CTNNA3: variants seen among roughly 807,000 people sequenced by gnomAD.
CTNNA3 encodes catenin alpha-3.
In CTNNA3, 76 loss-of-function variants were observed where a neutral mutation model predicts 95.7. That is an observed-to-expected ratio of 0.79 (90% confidence interval 0.66 to 0.96). The LOEUF is 0.96. CTNNA3 is among the 40% of genes least tolerant of loss of function. The pLI is 0.00. For missense variants in CTNNA3, 1,191 were observed against 1,089.8 expected (o/e 1.09, Z -1.31); for synonymous variants, 431 against 374.4 (o/e 1.15, Z -1.74).
At chr10:66,621,833 A>G in intron 9 of CTNNA3, 49 bp from the exon 10 acceptor site, 1 of 1,130,216 alleles carries the variant, frequency 8.8e-7, no homozygotes, top group Non-Finnish European at 1.3e-6. Context: ...TAGCAAGGAA[A>G]TGCAGCAACA....
chr10:66,671,595 T>C (rs920887282), intron 9 of CTNNA3, among the ~76,000 whole-genome samples: 3 of 152,196 alleles, frequency 2.0e-5, no homozygotes, highest in Non-Finnish European at 4.4e-5. Flanking sequence ...TAAATAGTTA[T>C]AATAATTGTA....
chr10:66,211,296 A>G (rs10822750), intron 13 of CTNNA3, among the ~76,000 whole-genome samples: 37,444 of 152,104 alleles, frequency 0.25, 5,374 homozygotes, highest in Admixed American at 0.39. Flanking sequence ...ACATATGAGT[A>G]ATGTTACACT....
At chr10:67,569,300 A>G (rs150318921) in intron 3 of CTNNA3, among the ~76,000 whole-genome samples, 10 of 152,296 alleles carry the variant, frequency 6.6e-5, no homozygotes, top group East Asian at 3.9e-4. Context: ...ATATGTGTGC[A>G]TAGCCATTCC....
intron 6 of CTNNA3, among the ~76,000 whole-genome samples, chr10:67,183,310 C>T (rs1205540326): frequency 6.6e-6 from 1 of 152,140 alleles, no homozygotes; most frequent in Non-Finnish European, 1.5e-5. Flanking sequence ...CAATTGTAGA[C>T]TGGATTAAGA....
intron 3 of CTNNA3, among the ~76,000 whole-genome samples, chr10:67,598,302 G>T (rs1842984332): frequency 6.6e-6 from 1 of 152,064 alleles, no homozygotes; most frequent in South Asian, 2.1e-4. Flanking sequence ...GGGGTCTCCT[G>T]CACCTAGGAT....
At chr10:66,158,783 A>T (rs905780064) in intron 13 of CTNNA3, among the ~76,000 whole-genome samples, 2 of 152,032 alleles carry the variant, frequency 1.3e-5, no homozygotes, top group African/African-American at 4.8e-5. Context: ...TCATGAGCAT[A>T]GGACATGTTT....
intron 13 of CTNNA3, among the ~76,000 whole-genome samples, chr10:66,255,551 C>A (rs1395119200): frequency 1.3e-5 from 2 of 152,096 alleles, no homozygotes. Context: ...CTTAGATGAT[C>A]CTTCCATTTG....
At chr10:67,184,388 AG>A in intron 6 of CTNNA3, among the ~76,000 whole-genome samples, 1 of 152,286 alleles carries the variant, frequency 6.6e-6, no homozygotes, top group South Asian at 2.1e-4. Flanking sequence ...GAGATGCTTC[AG>A]GATCTTGATA....
chr10:66,256,286 T>C (rs1179083489), intron 13 of CTNNA3, among the ~76,000 whole-genome samples: 2 of 152,218 alleles, frequency 1.3e-5, no homozygotes, highest in Non-Finnish European at 2.9e-5. Flanking sequence ...CAATCCATTC[T>C]GGCTGTACAC....
chr10:66,547,829 C>T (rs961045659), intron 10 of CTNNA3, among the ~76,000 whole-genome samples: 1 of 151,852 alleles, frequency 6.6e-6, no homozygotes, highest in African/African-American at 2.4e-5. Flanking sequence ...AGATTTCGGT[C>T]TTCACACATG....
chr10:67,550,683 AAAGAAATTTC>A (rs904351357), intron 3 of CTNNA3, among the ~76,000 whole-genome samples: 2 of 145,422 alleles, frequency 1.4e-5, no homozygotes, highest in African/African-American at 5.5e-5. Context: ...ACCGTAGAAT[AAAGAAATTTC>A]TTTATTCATA....
At chr10:67,585,309 G>A (rs1189121085) in intron 3 of CTNNA3, among the ~76,000 whole-genome samples, 1 of 152,108 alleles carries the variant, frequency 6.6e-6, no homozygotes, top group African/African-American at 2.4e-5. Context: ...TCTTTTATAT[G>A]TGTCACCTCT....
chr10:66,108,972 A>T (rs2082014229), intron 13 of CTNNA3, among the ~76,000 whole-genome samples: 1 of 152,222 alleles, frequency 6.6e-6, no homozygotes, highest in Non-Finnish European at 1.5e-5. Context: ...TTTTGTGTAG[A>T]GAAAGGTTTT....
chr10:66,694,732 A>G (rs913109849), intron 9 of CTNNA3, among the ~76,000 whole-genome samples: 1 of 152,184 alleles, frequency 6.6e-6, no homozygotes, highest in South Asian at 2.1e-4. Flanking sequence ...ATAGCATACC[A>G]TAATCTACAT....
intron 11 of CTNNA3, among the ~76,000 whole-genome samples, chr10:66,483,646 T>C (rs748869119): frequency 3.2e-4 from 48 of 152,174 alleles, no homozygotes; most frequent in Non-Finnish European, 1.6e-4. Context: ...AGATGTAATG[T>C]ACATGATATT....
At chr10:66,840,015 A>T (rs1842995884) in intron 7 of CTNNA3, among the ~76,000 whole-genome samples, 1 of 152,114 alleles carries the variant, frequency 6.6e-6, no homozygotes, top group Non-Finnish European at 1.5e-5. Flanking sequence ...CCCTCAAGTT[A>T]TCTGAATTTG....
chr10:66,608,036 A>G (rs556982077), intron 10 of CTNNA3, among the ~76,000 whole-genome samples: 1 of 152,256 alleles, frequency 6.6e-6, no homozygotes, highest in East Asian at 1.9e-4. Context: ...ACATGATCCT[A>G]TATCTAGAAA....
rs755934798 is a variant in CTNNA3 at position 67,521,850 on chromosome 10, G to A, written c.571C>T (p.Arg191Cys). The change falls in exon 5 of 18, where the codon CGT becomes TGT. Residue 191 changes from arginine (R) to cysteine (C), a missense_variant. Coordinates refer to ENST00000433211, the MANE Select transcript of CTNNA3 (RefSeq NM_013266.4). ...AGAGCTCTGACTCCTACCTGCTGAC[G>A]TTTGAAGGCTAAATAATCCAAATTT... is the stretch of plus-strand genomic sequence containing the variant. ...LENLDYLAFKRQQDLKSPNQR... is the reference protein window; with the variant it reads ...LENLDYLAFKCQQDLKSPNQR... 18 of 1,613,318 alleles carry A rather than the reference G, an allele frequency of 1.1e-5. No homozygotes were observed. The highest frequency in any genetic ancestry group is 4.0e-5 in the African/African-American group (3 of 74,912).
At chr10:67,208,326 C>A (rs1402310051) in intron 6 of CTNNA3, among the ~76,000 whole-genome samples, 2 of 148,400 alleles carry the variant, frequency 1.3e-5, no homozygotes, top group Non-Finnish European at 3.0e-5. Context: ...TTGCAGTGAG[C>A]CGAGATCGTG....
Sources: allele counts gnomAD v4.1 joint callset (sites outside exome capture counted in the v4.1 genomes callset), GRCh38; gene constraint gnomAD v4.1.1; transcripts MANE v1.5; gene names NCBI Gene and HGNC (gene_info 2026-07-23, HGNC 2026-07-21).